LRRTM4: variants seen among roughly 807,000 people sequenced by gnomAD.
LRRTM4 encodes leucine-rich repeat transmembrane neuronal protein 4.
LRRTM4 carries 25 observed loss-of-function variants against 47.6 expected under a neutral mutation model. The ratio of observed to expected loss-of-function variants is 0.53; its 90% confidence interval spans 0.38 to 0.73. The LOEUF (loss-of-function observed/expected upper bound fraction) is 0.73. Among genes scored for constraint, LRRTM4 ranks in the 30% least tolerant of loss-of-function variants. The pLI is 0.00. For missense variants in LRRTM4, 638 were observed against 713.4 expected, an observed-to-expected ratio of 0.89 and a Z score of 1.20; for synonymous variants, 311 against 269.5, an observed-to-expected ratio of 1.15 and a Z score of -1.51.
chr2:76,891,989 A>G (rs1673270138), intron 3 of LRRTM4, among the ~76,000 whole-genome samples: 1 of 150,392 alleles, frequency 6.6e-6, no homozygotes, highest in Non-Finnish European at 1.5e-5. Flanking sequence ...ATATGAGATT[A>G]GCAAATTAAA....
chr2:77,284,249 T>C (rs1049603507), intron 3 of LRRTM4, among the ~76,000 whole-genome samples: 2 of 152,086 alleles, frequency 1.3e-5, no homozygotes, highest in Admixed American at 1.3e-4. Flanking sequence ...GTAAACACAA[T>C]GGTCTGTTAG....
intron 3 of LRRTM4, among the ~76,000 whole-genome samples, chr2:77,440,074 A>T (rs749821787): frequency 1.2e-4 from 18 of 152,274 alleles, no homozygotes; most frequent in Non-Finnish European, 2.1e-4. Flanking sequence ...CAAAGAAAAG[A>T]TGGGTGAAAT....
intron 3 of LRRTM4, among the ~76,000 whole-genome samples, chr2:77,080,610 T>C (rs1680499104): frequency 6.6e-6 from 1 of 152,090 alleles, no homozygotes; most frequent in Non-Finnish European, 1.5e-5. Context: ...CTGTCTCCAG[T>C]GGTTCAAACT....
At chr2:77,070,823 G>T (rs889667987) in intron 3 of LRRTM4, among the ~76,000 whole-genome samples, 9 of 152,086 alleles carry the variant, frequency 5.9e-5, no homozygotes, top group African/African-American at 2.2e-4. Context: ...TAGAGACGGG[G>T]TTTCACCATG....
rs1573137801 is a variant in LRRTM4, at chr2:77,247,454, A to G, written c.1551+270864T>C. ...ACCGTCTGTCTATTTTCTAGTTTCT[A>G]GTAATGTTGTCTCCTAGACAGGTGC... On this transcript the variant is annotated intron_variant, in intron 3 of 3. Coordinates refer to ENST00000409884, the MANE Select transcript of LRRTM4 (RefSeq NM_001134745.3). Among the ~76,000 whole-genome samples the G allele has an allele frequency of 2.6e-5, 4 of 152,180 alleles. No homozygotes were observed. The South Asian group carries it at 8.3e-4, about 32-fold the overall frequency.
intron 3 of LRRTM4, among the ~76,000 whole-genome samples, chr2:77,011,348 A>G (rs1267217686): frequency 6.6e-6 from 1 of 152,148 alleles, no homozygotes; most frequent in East Asian, 1.9e-4. Context: ...CTCAATAGCT[A>G]CATGCGTGAG....
intron 3 of LRRTM4, among the ~76,000 whole-genome samples, chr2:76,784,149 G>A (rs1674544614): frequency 6.6e-6 from 1 of 152,018 alleles, no homozygotes. Flanking sequence ...AGTGGTGGCT[G>A]TAATTGTATT....
At chr2:77,251,941 T>G (rs1675629420) in intron 3 of LRRTM4, among the ~76,000 whole-genome samples, 1 of 152,174 alleles carries the variant, frequency 6.6e-6, no homozygotes, top group Non-Finnish European at 1.5e-5. Context: ...TCCATAAGCC[T>G]ACTAAATGGG....
intron 3 of LRRTM4, among the ~76,000 whole-genome samples, chr2:77,035,815 A>C (rs964580254): frequency 6.6e-6 from 1 of 151,774 alleles, no homozygotes; most frequent in Non-Finnish European, 1.5e-5. Flanking sequence ...ATTTTTTAAA[A>C]TGTTCCCTAG....
At chr2:77,276,494 G>A (rs960544652) in intron 3 of LRRTM4, among the ~76,000 whole-genome samples, 1 of 149,070 alleles carries the variant, frequency 6.7e-6, no homozygotes, top group Non-Finnish European at 1.5e-5. Flanking sequence ...CAACTATAGT[G>A]TGATATATAT....
At chr2:77,059,636 A>C (rs745945660) in intron 3 of LRRTM4, among the ~76,000 whole-genome samples, 1 of 152,168 alleles carries the variant, frequency 6.6e-6, no homozygotes, top group Non-Finnish European at 1.5e-5. Context: ...GAACAACACT[A>C]TTCTGTTATG....
chr2:77,294,545 T>C (rs1676916594), intron 3 of LRRTM4, among the ~76,000 whole-genome samples: 1 of 152,118 alleles, frequency 6.6e-6, no homozygotes, highest in Non-Finnish European at 1.5e-5. Flanking sequence ...GTCTTACATA[T>C]GTCTTCAGAA....
intron 3 of LRRTM4, among the ~76,000 whole-genome samples, chr2:76,854,104 G>A (rs548706289): frequency 3.9e-5 from 6 of 152,174 alleles, no homozygotes; most frequent in East Asian, 1.9e-4. Flanking sequence ...TCCTGGCAAC[G>A]AATTCTTGAT....
At chr2:76,751,798 G>A (rs1448498568) in intron 3 of LRRTM4, among the ~76,000 whole-genome samples, 1 of 152,088 alleles carries the variant, frequency 6.6e-6, no homozygotes, top group African/African-American at 2.4e-5. Flanking sequence ...AATGTAAGAA[G>A]ACACTTTGTG....
chr2:77,063,531 T>C (rs1679860663), intron 3 of LRRTM4, among the ~76,000 whole-genome samples: 2 of 152,186 alleles, frequency 1.3e-5, no homozygotes, highest in African/African-American at 4.8e-5. Context: ...ATATCAATTG[T>C]TCTACCAACA....
At chr2:76,843,224 T>A (rs570517340) in intron 3 of LRRTM4, among the ~76,000 whole-genome samples, 4 of 151,602 alleles carry the variant, frequency 2.6e-5, no homozygotes, top group African/African-American at 9.7e-5. Flanking sequence ...AAGGGAGGAG[T>A]CAGAAGATGG....
chr2:77,086,589 T>C (rs1680724523), intron 3 of LRRTM4, among the ~76,000 whole-genome samples: 1 of 151,560 alleles, frequency 6.6e-6, no homozygotes, highest in African/African-American at 2.4e-5. Flanking sequence ...GCCATTCTCC[T>C]GCCTAGCCTC....
At position 77,136,693 on chromosome 2, in the gene LRRTM4, G is replaced by T. The variant is rs541593589; in HGVS notation, c.1551+381625C>A. Among the ~76,000 whole-genome samples the T allele has an allele frequency of 5.3e-5, 8 of 152,254 alleles. No homozygotes were observed. In the South Asian group the frequency reaches 1.5e-3, roughly 28 times the overall value. On this transcript the variant is annotated intron_variant, in intron 3 of 3. Coordinates refer to ENST00000409884, the MANE Select transcript of LRRTM4 (RefSeq NM_001134745.3). The stretch of plus-strand genomic sequence containing the variant: ...AAATTTCTCCGAGCTAAAGGAGAAA[G>T]TTCGAAACCATGGCAAAGAAGCTAA...
intron 3 of LRRTM4, among the ~76,000 whole-genome samples, chr2:77,372,092 A>G (rs1672675039): frequency 1.3e-5 from 2 of 151,764 alleles, no homozygotes; most frequent in African/African-American, 4.8e-5. Flanking sequence ...CTAAGGAGAC[A>G]CTAAAGCTTT....
Sources: gnomAD v4.1 joint callset for allele counts (sites outside exome capture counted in the v4.1 genomes callset) on GRCh38, gnomAD v4.1.1 for gene constraint, MANE v1.5 for transcripts, NCBI Gene and HGNC (gene_info 2026-07-23, HGNC 2026-07-21) for gene names.